Variants in NPHP3 observed in about 807,000 individuals in gnomAD.
NPHP3 encodes the protein nephrocystin 3, also known as nephrocystin-3.
In NPHP3, 123 loss-of-function variants were observed where a neutral mutation model predicts 171.9. That is an observed-to-expected ratio of 0.72 (90% CI 0.62 to 0.83). The LOEUF (loss-of-function observed/expected upper bound fraction) is 0.83. Ranked by LOEUF, NPHP3 falls within the 40% of genes least tolerant of loss-of-function variation. The pLI is 0.00. For synonymous variants in NPHP3, 558 were observed against 579.2 expected (o/e 0.96, Z 0.52); for missense variants, 1,506 against 1,591.9 (o/e 0.95, Z 0.92).
intron 1 of NPHP3, chr3:132,721,703 G>A (rs746258764): frequency 4.5e-6 from 3 of 665,536 alleles, no homozygotes; most frequent in African/African-American, 3.6e-5. Flanking sequence ...TTAGGAGGCC[G>A]AGGCGGGAGG....
At chr3:132,704,028 T>C (rs772292901) in intron 9 of NPHP3, among the ~76,000 whole-genome samples, 170 bp downstream of exon 9, 2 of 152,252 alleles carry the variant, frequency 1.3e-5, no homozygotes, top group South Asian at 2.1e-4. Context: ...GAATCTCACA[T>C]ATCTTTCTTA....
rs1031580245 is a variant in NPHP3 at position 132,681,213 on chromosome 3, G to T, written c.*697C>A. 2.6e-5 allele frequency: 4 copies of T among 151,788 alleles called. No individual in the cohort carries two copies. Among genetic ancestry groups the T allele is most frequent in the African/African-American group, 4.8e-5 (2 of 41,250 alleles). 9.4% of individuals were successfully genotyped at this position (151,788 alleles called of 1,614,324 possible). On this transcript the variant is annotated 3_prime_UTR_variant, in exon 27 of 27. Transcript: ENST00000337331. ...CTACTGCTGAAAAGCAAGAGGAATG[G>T]CAAGGCTAAAGTAGCTCTTGAGAGC...
chr3:132,694,540 A>G (rs1939395640), intron 16 of NPHP3, among the ~76,000 whole-genome samples: 1 of 152,166 alleles, frequency 6.6e-6, no homozygotes, highest in Non-Finnish European at 1.5e-5. Context: ...AGAACATTTA[A>G]GACACCTACA....
intron 17 of NPHP3, among the ~76,000 whole-genome samples, chr3:132,691,517 GTTAATACA>G (rs1315332817): frequency 6.6e-6 from 1 of 151,744 alleles, no homozygotes; most frequent in Non-Finnish European, 1.5e-5. Flanking sequence ...TCAAACTTTA[GTTAATACA>G]TTAAAAATCT....
At chr3:132,710,963 T>A (rs557224298) in intron 6 of NPHP3, among the ~76,000 whole-genome samples, 1 of 152,346 alleles carries the variant, frequency 6.6e-6, no homozygotes, top group Admixed American at 6.5e-5. Flanking sequence ...ATCAAAACCA[T>A]ACATTTTGAG....
chr3:132,686,136 A>C lies in NPHP3; in HGVS notation c.3329+124T>G, dbSNP rs1449959423. 3.2e-6 allele frequency: 3 copies of C among 937,378 alleles called. No homozygotes were observed. In the South Asian group the frequency reaches 4.0e-5, roughly 13 times the overall value. The allele number at this position is 937,378 out of a possible 1,614,324, so 58.1% of individuals were successfully genotyped here. On this transcript the variant is annotated intron_variant, in intron 23 of 26. Coordinates refer to ENST00000337331, the MANE Select transcript of NPHP3 (RefSeq NM_153240.5). The stretch of plus-strand genomic sequence containing the variant: ...GTGTATGCTCATTATATAACATCAT[A>C]CATGAAATTTTGCGTGGTTTTTATC...
At chr3:132,711,207 T>C (rs1422991644) in intron 6 of NPHP3, among the ~76,000 whole-genome samples, 1 of 152,188 alleles carries the variant, frequency 6.6e-6, no homozygotes, top group Non-Finnish European at 1.5e-5. Flanking sequence ...CCAACAGCCC[T>C]TGTTTGTGGT....
At chr3:132,687,269 C>CAAAGTA (rs1380165583) in intron 21 of NPHP3, 43 bp from the exon 22 acceptor site, 1 of 872,348 alleles carries the variant, frequency 1.1e-6, no homozygotes, top group Admixed American at 1.8e-5. Flanking sequence ...GAAACATATT[C>CAAAGTA]AAAGTATACT....
Position 132,696,746 on chromosome 3 carries a change from C to A in NPHP3, c.2156G>T (p.Gly719Val). The A allele has an allele frequency of 2.5e-6, 4 of 1,614,000 alleles. No individual in the cohort carries two copies. The highest frequency in any genetic ancestry group is 3.4e-6 in the Non-Finnish European group (4 of 1,179,944). ...TCNALYVTLFGKMIARAGRAG... is the reference protein window; with the variant it reads ...TCNALYVTLFVKMIARAGRAG... ...CACCACTCACCGCGCGATCATTTTGCCGAAAAGGGTGACATAAAGGGCATT... is the reference window on the plus strand; with the variant it reads ...CACCACTCACCGCGCGATCATTTTGACGAAAAGGGTGACATAAAGGGCATT... The change falls in exon 15 of 27, where the codon GGC (glycine) becomes GTC (valine). Residue 719 changes from glycine (G) to valine (V), a missense_variant. Around this residue, in one of 3 missense-constraint regions of NPHP3, gnomAD observed 930 missense variants for 924.9 expected, o/e 1.01. Coordinates refer to ENST00000337331, the MANE Select transcript of NPHP3 (RefSeq NM_153240.5).
intron 6 of NPHP3, chr3:132,712,387 T>C (rs1020119249): frequency 4.4e-6 from 2 of 456,378 alleles, no homozygotes; most frequent in Admixed American, 2.4e-5. Flanking sequence ...AAAGGCCAGA[T>C]AGTAAACAAC....
At chr3:132,687,406 G>A (rs1045488397) in intron 21 of NPHP3, among the ~76,000 whole-genome samples, 180 bp from the exon 22 acceptor site, 2 of 152,022 alleles carry the variant, frequency 1.3e-5, no homozygotes, top group Non-Finnish European at 2.9e-5. Flanking sequence ...AACAAAATAT[G>A]ACAAAACACT....
In NPHP3 at chr3:132,694,835, T is replaced by A. The variant is rs777858346; in HGVS notation, c.2302A>T (p.Met768Leu). The A allele has an allele frequency of 1.9e-6, 3 of 1,613,304 alleles. No homozygotes were observed. The Admixed American group carries it at 5.0e-5, about 27-fold the overall frequency. The change falls in exon 16 of 27, where the codon ATG becomes TTG. Residue 768 changes from methionine to leucine, a missense_variant. By Grantham distance (15) the Met-to-Leu change is conservative. Transcript: ENST00000337331. ...SMANDVDKEL[M>L]KQILCLVNVS... ...AGTTTATTACATTCTACCTGCTTCA[T>A]TAGCTCTTTATCCACATCATTTGCC...
intron 10 of NPHP3, among the ~76,000 whole-genome samples, chr3:132,700,936 A>C (rs1939590041): frequency 6.6e-6 from 1 of 152,226 alleles, no homozygotes; most frequent in African/African-American, 2.4e-5. Context: ...ATTAGCTTAT[A>C]TGAACCTTAG....
intron 5 of NPHP3, 66 bp downstream of exon 5, chr3:132,715,019 A>G: frequency 7.5e-7 from 1 of 1,337,464 alleles, no homozygotes. Flanking sequence ...CAGTAGTATC[A>G]GAAACAGAAT....
At position 132,701,537 on chromosome 3, in the gene NPHP3, G is replaced by GA. The variant is rs762115717; in HGVS notation, c.1525-5dup. On this transcript the variant is annotated splice_region_variant and splice_polypyrimidine_tract_variant and intron_variant, in intron 9 of 26. Coordinates refer to ENST00000337331, the MANE Select transcript of NPHP3 (RefSeq NM_153240.5). Reference sequence around the variant, plus strand: ...GATCATTAAGGCGTTGGTAATACTAGAAAAAAAAATGAATTTACATTGTAA... The same window carrying GA: ...GATCATTAAGGCGTTGGTAATACTAGAAAAAAAAAATGAATTTACATTGTAA... 1,245 of 1,572,132 alleles carry GA rather than the reference G, an allele frequency of 7.9e-4. No individual in the cohort carries two copies. The highest frequency in any genetic ancestry group is 9.4e-4 in the Non-Finnish European group (1,077 of 1,146,136).
intron 4 of NPHP3, among the ~76,000 whole-genome samples, chr3:132,715,794 A>T (rs1940035335): frequency 6.6e-6 from 1 of 152,212 alleles, no homozygotes; most frequent in African/African-American, 2.4e-5. Context: ...AATTCTGAAC[A>T]GATCTTAGAG....
At chr3:132,712,166 A>G (rs1464067238) in intron 6 of NPHP3, among the ~76,000 whole-genome samples, 2 of 152,250 alleles carry the variant, frequency 1.3e-5, no homozygotes, top group African/African-American at 2.4e-5. Flanking sequence ...TATTCACATT[A>G]TAAGAACATT....
rs1458892260 is a variant in NPHP3 at position 132,719,723 on chromosome 3, T to C, written c.501A>G (p.Lys167=). 2 of 1,561,860 alleles carry C rather than the reference T, an allele frequency of 1.3e-6. No homozygotes were observed. The highest frequency in any genetic ancestry group is 1.7e-6 in the Non-Finnish European group (2 of 1,150,498). The part of the protein sequence containing the change: ...RAATFEHDRD[K]VKRQFKIFRE... ...AATTTACCTTGAATTGCCTTTTAACTTTATCTCTGTCATGTTCAAATGTTG... is the reference window on the plus strand; with the variant it reads ...AATTTACCTTGAATTGCCTTTTAACCTTATCTCTGTCATGTTCAAATGTTG... The change falls in exon 2 of 27, where the codon AAA becomes AAG. Residue 167 remains lysine, a synonymous_variant. Coordinates refer to ENST00000337331, the MANE Select transcript of NPHP3 (RefSeq NM_153240.5).
At position 132,697,271 on chromosome 3, in the gene NPHP3, T is replaced by G. The variant is rs1449744400; in HGVS notation, c.2077A>C (p.Ser693Arg). The G allele has an allele frequency of 1.2e-6, 2 of 1,602,422 alleles. No homozygotes were observed. Among genetic ancestry groups the G allele is most frequent in the East Asian group, 4.5e-5 (2 of 44,738 alleles). Reference protein sequence around the residue: ...AECHSVDIKLSKEQEKKLERH... With the variant: ...AECHSVDIKLRKEQEKKLERH... Reference sequence around the variant, plus strand: ...TGAAAAATACACACCTGCTCTTTACTCAATTTAATGTCTACAGAGTGGCAT... The same window carrying G: ...TGAAAAATACACACCTGCTCTTTACGCAATTTAATGTCTACAGAGTGGCAT... Residue 693 changes from serine (S) to arginine (R), a missense_variant, in exon 14 of 27, where the codon AGT (serine) becomes CGT (arginine). Coordinates refer to ENST00000337331, the MANE Select transcript of NPHP3 (RefSeq NM_153240.5).
Sources: allele counts gnomAD v4.1 joint callset (sites outside exome capture counted in the v4.1 genomes callset), GRCh38; gene constraint gnomAD v4.1.1; regional missense constraint gnomAD v4.1.1; transcripts MANE v1.5; gene names NCBI Gene and HGNC (gene_info 2026-07-23, HGNC 2026-07-21).